Variants in PPIH observed in about 807,000 individuals in gnomAD.
PPIH encodes peptidylprolyl isomerase H.
Under a neutral mutation model 27.6 loss-of-function variants are expected in PPIH, and 16 were observed. The ratio of observed to expected loss-of-function variants is 0.58; its 90% CI spans 0.39 to 0.88. The LOEUF is 0.88. Among genes scored for constraint, PPIH ranks in the 40% least tolerant of loss-of-function variants. The pLI is 0.00. For missense variants in PPIH, 155 were observed against 224.1 expected, an observed-to-expected ratio of 0.69 and a Z score of 1.97; for synonymous variants, 63 against 76.1, an observed-to-expected ratio of 0.83 and a Z score of 0.90.
chr1:42,662,911 C>G (rs544784202), intron 5 of PPIH, among the ~76,000 whole-genome samples: 1 of 152,074 alleles, frequency 6.6e-6, no homozygotes, highest in Non-Finnish European at 1.5e-5. Context: ...TCCATATTTT[C>G]CCTTGTCGTT....
chr1:42,676,208 C>T (rs1340665035), intron 9 of PPIH, among the ~76,000 whole-genome samples: 1 of 151,978 alleles, frequency 6.6e-6, no homozygotes, highest in Non-Finnish European at 1.5e-5. Context: ...GGTGGCTCAT[C>T]CCTGTAATCC....
At chr1:42,666,648 C>A in intron 8 of PPIH, 61 bp downstream of exon 8, 1 of 1,517,720 alleles carries the variant, frequency 6.6e-7, no homozygotes, top group Admixed American at 1.7e-5. Flanking sequence ...GTCTGACTAG[C>A]GTGCAGGAGC....
In PPIH at chr1:42,666,800, A is replaced by G. The variant is rs138374053; in HGVS notation, c.465+213A>G. ...CCTGTTGCCTACTTGATAAAATTCT[A>G]CTCCTCAGCATTGCGTTCAAGGTCC... On this transcript the variant is annotated intron_variant, in intron 8 of 9. Transcript: ENST00000304979. 2.8e-3 allele frequency among the ~76,000 whole-genome samples: 428 copies of G among 151,772 alleles called. 1 individual carries two copies. Among genetic ancestry groups the G allele is most frequent in the African/African-American group, 1.0e-2 (413 of 41,364 alleles).
At position 42,662,012 on chromosome 1, in the gene PPIH, C is replaced by T. The variant is rs531333476; in HGVS notation, c.243+1108C>T. On this transcript the variant is annotated intron_variant, in intron 5 of 9. Coordinates refer to ENST00000304979, the MANE Select transcript of PPIH (RefSeq NM_006347.4). ...TCTCCACAACTGTTTCCCTTATTTA[C>T]GTTGCCTGCTCCTGTGGGCATTTGT... Among the ~76,000 whole-genome samples the T allele has an allele frequency of 4.6e-5, 7 of 152,306 alleles. No individual in the cohort carries two copies. The East Asian group carries it at 7.7e-4, about 17-fold the overall frequency.
chr1:42,681,412 T>G (rs1394860781), downstream of PPIH: 2 of 152,186 alleles, frequency 1.3e-5, no homozygotes, highest in African/African-American at 4.8e-5. Context: ...GTTGGCTGTT[T>G]AAATTTCTGC....
intron 6 of PPIH, 43 bp downstream of exon 6, chr1:42,664,998 T>C (rs764615866): frequency 6.7e-7 from 1 of 1,497,280 alleles, no homozygotes; most frequent in Admixed American, 1.7e-5. Flanking sequence ...AGCCAGCTGG[T>C]TCCTGGGCCC....
intron 3 of PPIH, 126 bp from the exon 4 acceptor site, chr1:42,659,396 G>A: frequency 6.2e-7 from 1 of 1,614,152 alleles, no homozygotes; most frequent in Non-Finnish European, 8.5e-7. Flanking sequence ...TCTGTCCCTA[G>A]TTTATTTGCC....
downstream of PPIH, among the ~76,000 whole-genome samples, chr1:42,680,441 T>A (rs544217575): frequency 6.6e-6 from 1 of 152,244 alleles, no homozygotes; most frequent in African/African-American, 2.4e-5. Flanking sequence ...CCTGGAAGGT[T>A]GGACAGGGAA....
chr1:42,675,148 A>G (rs1464549095), intron 9 of PPIH: 1 of 152,244 alleles, frequency 6.6e-6, no homozygotes, highest in Non-Finnish European at 1.5e-5. Flanking sequence ...GACTGTGGAT[A>G]ATACTTCTGC....
chr1:42,664,969 A>C lies in PPIH; in HGVS notation c.336+14A>C. 6.2e-7 allele frequency: 1 copy of C among 1,612,040 alleles called. No individual in the cohort carries two copies. The highest frequency in any genetic ancestry group is 2.2e-5 in the East Asian group (1 of 44,846). ...CTGCTTTCCATGGTAAGTGAGGTCC[A>C]ATCAAGGTTTTGGGTTATAGCCAGC... On this transcript the variant is annotated intron_variant, in intron 6 of 9. Coordinates refer to ENST00000304979, the MANE Select transcript of PPIH (RefSeq NM_006347.4).
chr1:42,664,572 G>A (rs953181200), intron 5 of PPIH, among the ~76,000 whole-genome samples: 1 of 152,188 alleles, frequency 6.6e-6, no homozygotes, highest in African/African-American at 2.4e-5. Context: ...TGATCACCTT[G>A]TTGCTGTTCC....
At chr1:42,679,276 G>A (rs1421009736), downstream of PPIH, among the ~76,000 whole-genome samples, 1 of 152,176 alleles carries the variant, frequency 6.6e-6, no homozygotes, top group Admixed American at 6.5e-5. Flanking sequence ...TGTAACCTCC[G>A]CCTCCCGGGT....
At chr1:42,675,403 G>T (rs2148729009) in intron 9 of PPIH, 1 of 152,258 alleles carries the variant, frequency 6.6e-6, no homozygotes, top group Non-Finnish European at 1.5e-5. Context: ...CACAGCACTT[G>T]GTTCATCTCT....
downstream of PPIH, chr1:42,681,584 G>C (rs1181030106): frequency 2.0e-5 from 3 of 152,198 alleles, no homozygotes; most frequent in Non-Finnish European, 4.4e-5. Context: ...CCTCTATCAC[G>C]TGGCTGTTGC....
intron 5 of PPIH, among the ~76,000 whole-genome samples, chr1:42,662,335 T>C (rs1392359576): frequency 1.3e-5 from 2 of 152,164 alleles, no homozygotes; most frequent in Non-Finnish European, 2.9e-5. Flanking sequence ...TCCCAGGAGT[T>C]TGAGAACAGC....
intron 5 of PPIH, among the ~76,000 whole-genome samples, chr1:42,661,917 G>A (rs1221229274): frequency 1.3e-5 from 2 of 152,152 alleles, no homozygotes; most frequent in Admixed American, 1.3e-4. Flanking sequence ...CAGTGGCAGT[G>A]ACAGTGACAA....
At chr1:42,674,386 T>C (rs111226159) in intron 9 of PPIH, among the ~76,000 whole-genome samples, 11 of 152,250 alleles carry the variant, frequency 7.2e-5, no homozygotes, top group African/African-American at 2.6e-4. Context: ...TCAATATGAC[T>C]GAAGCAGGAA....
chr1:42,667,400 C>G lies in PPIH; in HGVS notation c.515C>G (p.Ser172Trp), dbSNP rs765096105. 6.2e-7 allele frequency: 1 copy of G among 1,607,464 alleles called. No individual in the cohort carries two copies. The highest frequency in any genetic ancestry group is 8.5e-7 in the Non-Finnish European group (1 of 1,174,062). The stretch of plus-strand genomic sequence containing the variant: ...AAGCCCAAGCTACCTGTGGTGATCT[C>G]GCAGTGTGGGGAGATGTAGTCCAGA... ...NNKPKLPVVISQCGEM is the reference protein window; with the variant it reads ...NNKPKLPVVIWQCGEM Residue 172 changes from serine (S) to tryptophan (W), a missense_variant, in exon 9 of 10, where the codon TCG becomes TGG. Physicochemically the swap from Ser to Trp is radical, Grantham distance 177. This residue lies in a region of PPIH where 96 missense variants were observed against 175.3 expected (regional missense o/e 0.55). Coordinates refer to ENST00000304979, the MANE Select transcript of PPIH (RefSeq NM_006347.4).
rs75988684 is a variant in PPIH, at chr1:42,659,466, T to C, written c.156-56T>C. ...CTTTTGGCTCCAGTGCATGGTAAAC[T>C]GGAAAGGCCTTGTGCTACCTGCTGT... On this transcript the variant is annotated intron_variant, in intron 3 of 9. Coordinates refer to ENST00000304979, the MANE Select transcript of PPIH (RefSeq NM_006347.4). 763 of 1,614,176 alleles carry C rather than the reference T, an allele frequency of 4.7e-4. 7 individuals carry two copies. The East Asian group carries it at 0.016, about 35-fold the overall frequency.
Sources: gnomAD v4.1 joint callset for allele counts (sites outside exome capture counted in the v4.1 genomes callset) on GRCh38, gnomAD v4.1.1 for gene constraint, gnomAD v4.1.1 regional missense constraint, MANE v1.5 for transcripts, NCBI Gene and HGNC (gene_info 2026-07-23, HGNC 2026-07-21) for gene names.